Variants in MOB3B observed in about 807,000 individuals in gnomAD.
The protein encoded by MOB3B is MOB kinase activator-like 2B.
In MOB3B, 7 loss-of-function variants were observed where a neutral mutation model predicts 18.7. The ratio of observed to expected loss-of-function variants is 0.37; its 90% CI spans 0.21 to 0.70. The LOEUF (loss-of-function observed/expected upper bound fraction) is 0.70. MOB3B is among the 30% of genes least tolerant of loss of function. The pLI, the probability that MOB3B is intolerant of heterozygous loss-of-function variation, is 0.52. For missense variants in MOB3B, 253 were observed against 281.3 expected (o/e 0.90, Z 0.72); for synonymous variants, 111 against 99.9 (o/e 1.11, Z -0.66).
At chr9:27,332,562 C>T (rs1415675539) in intron 3 of MOB3B, among the ~76,000 whole-genome samples, 1 of 152,156 alleles carries the variant, frequency 6.6e-6, no homozygotes, top group Non-Finnish European at 1.5e-5. Context: ...AGACAGGGAA[C>T]TATGACCTCC....
intron 1 of MOB3B, among the ~76,000 whole-genome samples, chr9:27,490,055 A>T (rs548429726): frequency 6.6e-6 from 1 of 152,224 alleles, no homozygotes; most frequent in African/African-American, 2.4e-5. Context: ...ATTTCAATCC[A>T]TCAACACACT....
At chr9:27,466,279 CAA>C (rs1819382076) in intron 1 of MOB3B, among the ~76,000 whole-genome samples, 1 of 152,216 alleles carries the variant, frequency 6.6e-6, no homozygotes, top group Non-Finnish European at 1.5e-5. Context: ...TAAAATATAA[CAA>C]GAGTCACCTT....
intron 1 of MOB3B, among the ~76,000 whole-genome samples, chr9:27,467,158 A>T (rs1010753848): frequency 1.3e-5 from 2 of 152,224 alleles, no homozygotes; most frequent in Non-Finnish European, 2.9e-5. Context: ...TGAGTCAGAC[A>T]TGTAATTGCA....
At chr9:27,472,081 T>C in intron 1 of MOB3B, among the ~76,000 whole-genome samples, 1 of 152,186 alleles carries the variant, frequency 6.6e-6, no homozygotes, top group East Asian at 1.9e-4. Context: ...AGAAAAATCT[T>C]CTCATAGTTT....
Position 27,463,762 on chromosome 9 carries a change from A to C in MOB3B, c.-198-8014T>G, listed in dbSNP as rs549785304. Among the ~76,000 whole-genome samples the C allele has an allele frequency of 1.8e-3, 272 of 151,852 alleles. 1 individual carries two copies. The highest frequency in any genetic ancestry group is 6.4e-3 in the African/African-American group (266 of 41,480). ...GATTGCTTGAGCCCAGGAGTTCGAG[A>C]CCAGCCTAGGCAACATGGCAAAACC... On this transcript the variant is annotated intron_variant, in intron 1 of 3. Transcript: ENST00000262244.
intron 1 of MOB3B, among the ~76,000 whole-genome samples, chr9:27,472,036 A>G (rs992886318): frequency 2.0e-5 from 3 of 152,146 alleles, no homozygotes; most frequent in African/African-American, 7.2e-5. Context: ...AGACTTGTCA[A>G]AAATGTTAAA....
rs201109299 is a variant in MOB3B at position 27,524,801 on chromosome 9, C to G, written c.-199+4754G>C. On this transcript the variant is annotated intron_variant, in intron 1 of 3. Coordinates refer to ENST00000262244, the MANE Select transcript of MOB3B (RefSeq NM_024761.5). The stretch of plus-strand genomic sequence containing the variant: ...TGAAACCCTCAGAAGCCAGGGTCCC[C>G]CAGCTGAGCAGCCTGGAACTGAGGA... The G allele has an allele frequency of 1.5e-4, 243 of 1,614,008 alleles. 1 individual carries two copies. The Admixed American group carries it at 2.5e-3, about 17-fold the overall frequency.
intron 3 of MOB3B, among the ~76,000 whole-genome samples, chr9:27,347,388 A>C (rs908912312): frequency 2.0e-5 from 3 of 152,222 alleles, no homozygotes; most frequent in African/African-American, 7.2e-5. Context: ...ACTGAGGACC[A>C]AGCCTGGCCT....
intron 1 of MOB3B, among the ~76,000 whole-genome samples, chr9:27,523,721 T>C (rs1254924324): frequency 3.9e-5 from 6 of 152,192 alleles, no homozygotes; most frequent in African/African-American, 1.4e-4. Context: ...CTTCATCTTT[T>C]TGGAGATCCA....
chr9:27,383,158 G>T (rs940143880), intron 2 of MOB3B, among the ~76,000 whole-genome samples: 1 of 152,052 alleles, frequency 6.6e-6, no homozygotes, highest in African/African-American at 2.4e-5. Context: ...CACCCTGCTT[G>T]CACATGATCA....
intron 2 of MOB3B, among the ~76,000 whole-genome samples, chr9:27,450,038 C>T (rs1008464287): frequency 1.3e-5 from 2 of 151,858 alleles, no homozygotes; most frequent in Non-Finnish European, 2.9e-5. Context: ...AACTCAACTC[C>T]CCAACATCCC....
intron 2 of MOB3B, among the ~76,000 whole-genome samples, chr9:27,364,267 A>T (rs548703310): frequency 1.3e-5 from 2 of 152,172 alleles, no homozygotes; most frequent in South Asian, 4.1e-4. Flanking sequence ...GTGACCCAAC[A>T]TCAGGACCAT....
In MOB3B at chr9:27,329,781, GAATA is replaced by G. The variant is rs1820761156; in HGVS notation, c.*802_*805del. On this transcript the variant is annotated 3_prime_UTR_variant, in exon 4 of 4. Coordinates refer to ENST00000262244, the MANE Select transcript of MOB3B (RefSeq NM_024761.5). ...TTTCTCTCTTCTGGGAAACAGGAAA[GAATA>G]TCTTCCACTGAAGAGACAAGGAATG... The G allele has an allele frequency of 1.3e-5, 2 of 152,626 alleles. No homozygotes were observed. Among genetic ancestry groups the G allele is most frequent in the South Asian group, 4.1e-4 (2 of 4,830 alleles). 9.5% of individuals were successfully genotyped at this position (152,626 alleles called of 1,614,324 possible). A position where few individuals can be genotyped will look rare whatever the true frequency, so the allele number is the denominator to read the frequency against.
intron 1 of MOB3B, among the ~76,000 whole-genome samples, chr9:27,514,811 C>A (rs926290852): frequency 1.3e-5 from 2 of 152,204 alleles, no homozygotes; most frequent in African/African-American, 4.8e-5. Flanking sequence ...CAAGGAACTG[C>A]ATGCCTGTTG....
chr9:27,331,976 C>A (rs1820796589), intron 3 of MOB3B, among the ~76,000 whole-genome samples: 1 of 152,144 alleles, frequency 6.6e-6, no homozygotes, highest in South Asian at 2.1e-4. Flanking sequence ...CAGGAAGTTA[C>A]AAATCTATGT....
At chr9:27,410,223 T>C (rs1822043796) in intron 2 of MOB3B, among the ~76,000 whole-genome samples, 1 of 152,192 alleles carries the variant, frequency 6.6e-6, no homozygotes, top group Admixed American at 6.5e-5. Flanking sequence ...ATTCATTCTA[T>C]CAGTGGATTT....
At chr9:27,471,959 G>A (rs373272634) in intron 1 of MOB3B, among the ~76,000 whole-genome samples, 2 of 152,174 alleles carry the variant, frequency 1.3e-5, no homozygotes, top group Non-Finnish European at 2.9e-5. Flanking sequence ...GAATCATCCC[G>A]AGTCCAAGGG....
intron 2 of MOB3B, among the ~76,000 whole-genome samples, chr9:27,401,115 G>T (rs1197264391): frequency 1.3e-5 from 2 of 152,186 alleles, no homozygotes; most frequent in Non-Finnish European, 2.9e-5. Context: ...CCGGGCCAGG[G>T]AACTGAAGAG....
intron 2 of MOB3B, among the ~76,000 whole-genome samples, chr9:27,409,337 C>T (rs1822030970): frequency 6.6e-6 from 1 of 152,122 alleles, no homozygotes; most frequent in Non-Finnish European, 1.5e-5. Flanking sequence ...ATCACAGCCA[C>T]ACAGAAAGAT....
Sources: allele counts gnomAD v4.1 joint callset (sites outside exome capture counted in the v4.1 genomes callset), GRCh38; gene constraint gnomAD v4.1.1; transcripts MANE v1.5; gene names NCBI Gene and HGNC (gene_info 2026-07-23, HGNC 2026-07-21).